The following CNMD variants were observed in gnomAD, a reference collection of about 807,000 sequenced individuals.
CNMD encodes the protein leukocyte cell-derived chemotaxin 1.
Under a neutral mutation model 37.5 loss-of-function variants are expected in CNMD, and 30 were observed. The ratio of observed to expected loss-of-function variants is 0.80; its 90% CI spans 0.60 to 1.09. CNMD has a LOEUF of 1.09. Ranked by LOEUF, CNMD falls within the 50% of genes least tolerant of loss-of-function variation. The pLI, the probability that CNMD is intolerant of heterozygous loss-of-function variation, is 0.00. For missense variants in CNMD, 398 were observed against 423.9 expected, an observed-to-expected ratio of 0.94 and a Z score of 0.54; for synonymous variants, 167 against 148.2, an observed-to-expected ratio of 1.13 and a Z score of -0.92.
rs147042699 is a variant in CNMD at position 52,739,677 on chromosome 13, G to A, written c.25C>T (p.Pro9Ser). MTENSDKV[P>S]IALVGPDDVE... The stretch of plus-strand genomic sequence containing the variant: ...TCATCAGGTCCCACCAGGGCAATGG[G>A]AACTTTGTCGGAGTTCTCTGTCATG... Residue 9 changes from proline (P) to serine (S), a missense_variant, in exon 1 of 7, where the codon CCC becomes TCC. Transcript: ENST00000377962. The surrounding 1 kb of genome is among the most constrained non-coding windows in gnomAD (Gnocchi z 5.4). 1 of 1,614,188 alleles carries A rather than the reference G, an allele frequency of 6.2e-7. No individual in the cohort carries two copies. Among genetic ancestry groups the A allele is most frequent in the Non-Finnish European group, 8.5e-7 (1 of 1,180,016 alleles).
intron 2 of CNMD, 68 bp from the exon 3 acceptor site, chr13:52,733,427 G>A (rs775540059): frequency 1.4e-6 from 2 of 1,386,876 alleles, no homozygotes; most frequent in Non-Finnish European, 2.1e-6. Flanking sequence ...CTTTAGAAGG[G>A]CAGTGTATGA....
At chr13:52,727,689 G>T (rs1964598668) in intron 3 of CNMD, among the ~76,000 whole-genome samples, 1 of 152,114 alleles carries the variant, frequency 6.6e-6, no homozygotes, top group Non-Finnish European at 1.5e-5. Flanking sequence ...AATGAAATAA[G>T]CCAGGCACAG....
chr13:52,726,513 A>C (rs920096512), intron 3 of CNMD, among the ~76,000 whole-genome samples: 3 of 151,436 alleles, frequency 2.0e-5, no homozygotes, highest in African/African-American at 7.3e-5. Context: ...TTACAGCTAA[A>C]AAAAAAAAAA....
At chr13:52,738,883 G>A (rs1964823292) in intron 2 of CNMD, 148 bp downstream of exon 2, 3 of 605,072 alleles carry the variant, frequency 5.0e-6, no homozygotes, top group African/African-American at 2.0e-5. Context: ...GGAAAGCCGC[G>A]TGCCAGAGTG....
At chr13:52,711,297 A>C (rs1229336944) in intron 5 of CNMD, among the ~76,000 whole-genome samples, 1 of 152,220 alleles carries the variant, frequency 6.6e-6, no homozygotes, top group Non-Finnish European at 1.5e-5. Flanking sequence ...CCTGGGCGAC[A>C]GAAAGTAAGA....
intron 4 of CNMD, among the ~76,000 whole-genome samples, chr13:52,721,449 G>T (rs1169207934): frequency 3.3e-5 from 5 of 152,350 alleles, no homozygotes; most frequent in South Asian, 2.1e-4. Context: ...CTCCTGGCCT[G>T]CAGGTTGCAA....
chr13:52,722,857 G>A (rs1219934547), intron 4 of CNMD, among the ~76,000 whole-genome samples: 2 of 152,238 alleles, frequency 1.3e-5, no homozygotes, highest in Non-Finnish European at 2.9e-5. Flanking sequence ...TATATGTTGT[G>A]TAGCTTCAAT....
intron 6 of CNMD, among the ~76,000 whole-genome samples, chr13:52,707,408 T>A (rs2138217689): frequency 7.3e-6 from 1 of 136,994 alleles, no homozygotes; most frequent in Middle Eastern, 3.6e-3. Flanking sequence ...TGAGGGCAGA[T>A]GACACCTCGT....
intron 2 of CNMD, 54 bp downstream of exon 2, chr13:52,738,977 C>T (rs113584845): frequency 0.037 from 55,101 of 1,490,878 alleles, 1,376 homozygotes; most frequent in Admixed American, 0.12. Flanking sequence ...CGGGCTCCCC[C>T]TAGGGGCACC....
intron 5 of CNMD, among the ~76,000 whole-genome samples, chr13:52,711,176 A>G (rs1427357945): frequency 6.6e-6 from 1 of 152,176 alleles, no homozygotes; most frequent in Non-Finnish European, 1.5e-5. Flanking sequence ...ACGTCTGTCA[A>G]ATGAGTGAAT....
rs79056094 is a variant in CNMD, at chr13:52,714,367, A to T, written c.469-1498T>A. Among the ~76,000 whole-genome samples, 517 of 152,262 alleles carry T rather than the reference A, an allele frequency of 3.4e-3. 5 individuals carry two copies. Among genetic ancestry groups the T allele is most frequent in the African/African-American group, 0.011 (467 of 41,546 alleles). On this transcript the variant is annotated intron_variant, in intron 4 of 6. Transcript: ENST00000377962. Reference sequence around the variant, plus strand: ...CTCTAAGGGTAGTTTTCTGTTACTGACAGCCAAACATATTCCTAATTCACA... The same window carrying T: ...CTCTAAGGGTAGTTTTCTGTTACTGTCAGCCAAACATATTCCTAATTCACA...
intron 4 of CNMD, among the ~76,000 whole-genome samples, chr13:52,714,096 CCTT>C (rs1376046517): frequency 7.9e-5 from 12 of 152,096 alleles, no homozygotes; most frequent in African/African-American, 2.4e-4. Flanking sequence ...GCTTGGGAGG[CCTT>C]CTGCTTTTCC....
At chr13:52,713,003 T>TACACAC in intron 4 of CNMD, 134 bp from the exon 5 acceptor site, 1 of 576,326 alleles carries the variant, frequency 1.7e-6, no homozygotes, top group Non-Finnish European at 2.8e-6. Flanking sequence ...TGTACATGTG[T>TACACAC]GCACTTTAAG....
chr13:52,734,482 T>C (rs1293500264), intron 2 of CNMD, among the ~76,000 whole-genome samples: 1 of 152,222 alleles, frequency 6.6e-6, no homozygotes, highest in Non-Finnish European at 1.5e-5. Flanking sequence ...ATTACTGCAC[T>C]GGTTTCAAAA....
At chr13:52,735,682 TA>T (rs138863152) in intron 2 of CNMD, among the ~76,000 whole-genome samples, 41,971 of 142,522 alleles carry the variant, frequency 0.29, 6,462 homozygotes, top group Middle Eastern at 0.41. Flanking sequence ...AAAAAAAATC[TA>T]AAAAAAAAAA....
chr13:52,711,201 A>G (rs547211793), intron 5 of CNMD, among the ~76,000 whole-genome samples: 2 of 152,316 alleles, frequency 1.3e-5, no homozygotes, highest in African/African-American at 4.8e-5. Context: ...TCTCTGGGTA[A>G]GAGGCTTGTC....
In CNMD at chr13:52,733,329, T is replaced by C. The variant is rs1394493950; in HGVS notation, c.244A>G (p.Asn82Asp). 1 of 1,613,636 alleles carries C rather than the reference T, an allele frequency of 6.2e-7. No homozygotes were observed. Among genetic ancestry groups the C allele is most frequent in the Non-Finnish European group, 8.5e-7 (1 of 1,179,620 alleles). The change falls in exon 3 of 7, where the codon AAT becomes GAT. Residue 82 changes from asparagine to aspartate, a missense_variant. Coordinates refer to ENST00000377962, the MANE Select transcript of CNMD (RefSeq NM_007015.3). The part of the protein sequence containing the change: ...IYNVHYTMSI[N>D]GKLQDGSMEI... ...ATTGACCCATCTTGTAATTTCCCATTGATACTCATGGTGTAATGGACATTG... is the reference window on the plus strand; with the variant it reads ...ATTGACCCATCTTGTAATTTCCCATCGATACTCATGGTGTAATGGACATTG...
rs1408851901 is a variant in CNMD at position 52,739,133 on chromosome 13, C to T, written c.111G>A (p.Ala37=). 1.9e-6 allele frequency: 3 copies of T among 1,552,058 alleles called. No individual in the cohort carries two copies. Among genetic ancestry groups the T allele is most frequent in the South Asian group, 2.4e-5 (2 of 84,826 alleles). ...ATLTVKPSSP[A]RLLKVGAVVL... The stretch of plus-strand genomic sequence containing the variant: ...CCACGGCTCCCACCTTGAGCAGCCG[C>T]GCGGGGCTGGAGGGCTTCACCGTCA... Residue 37 remains alanine (A), a synonymous_variant, in exon 2 of 7, where the codon GCG becomes GCA. Transcript: ENST00000377962. The surrounding 1 kb of genome is among the most constrained non-coding windows in gnomAD (Gnocchi z 5.4).
chr13:52,726,412 C>G (rs979981542), intron 3 of CNMD, among the ~76,000 whole-genome samples: 3 of 152,082 alleles, frequency 2.0e-5, no homozygotes, highest in Middle Eastern at 6.3e-3. Flanking sequence ...TATCAAAAAT[C>G]CCCTGGGTCC....
Sources: gnomAD v4.1 joint callset for allele counts (sites outside exome capture counted in the v4.1 genomes callset) on GRCh38, gnomAD v4.1.1 for gene constraint, Gnocchi (gnomAD v3.1) non-coding constraint, MANE v1.5 for transcripts, NCBI Gene and HGNC (gene_info 2026-07-23, HGNC 2026-07-21) for gene names.